The following CDH13 variants were observed in gnomAD, a reference collection of about 807,000 sequenced individuals.
CDH13 encodes cadherin-13.
CDH13 carries 24 observed loss-of-function variants against 63.8 expected under a neutral mutation model. The observed-to-expected ratio is 0.38, with a 90% confidence interval of 0.27 to 0.53. CDH13 has a LOEUF of 0.53. CDH13 is among the 20% of genes least tolerant of loss of function. The probability of loss-of-function intolerance (pLI) is 0.85; values close to 1 mark genes in which losing one functional copy is unlikely to be tolerated. For missense variants in CDH13, 1,049 were observed against 903.1 expected (o/e 1.16, Z -2.07); for synonymous variants, 503 against 355.3 (o/e 1.42, Z -4.67).
At position 83,407,678 on chromosome 16, in the gene CDH13, G is replaced by A. The variant is rs567094373; in HGVS notation, c.781+62672G>A. Among the ~76,000 whole-genome samples, 7 of 152,250 alleles carry A rather than the reference G, an allele frequency of 4.6e-5. No homozygotes were observed. The East Asian group carries it at 1.3e-3, about 29-fold the overall frequency. On this transcript the variant is annotated intron_variant, in intron 6 of 13. Coordinates refer to ENST00000567109, the MANE Select transcript of CDH13 (RefSeq NM_001257.5). ...TTTATTTAAGCTGCAAATAAAATTAGTTTACTCATTTTTAATTTAATTCCC... is the reference window on the plus strand; with the variant it reads ...TTTATTTAAGCTGCAAATAAAATTAATTTACTCATTTTTAATTTAATTCCC...
At chr16:82,883,955 T>C (rs989874981) in intron 2 of CDH13, among the ~76,000 whole-genome samples, 1 of 152,194 alleles carries the variant, frequency 6.6e-6, no homozygotes, top group South Asian at 2.1e-4. Flanking sequence ...TTTAACCTCC[T>C]AGTACCTCAG....
Position 83,388,723 on chromosome 16 carries a change from T to A in CDH13, c.781+43717T>A, listed in dbSNP as rs925891533. 2.6e-5 allele frequency among the ~76,000 whole-genome samples: 4 copies of A among 152,174 alleles called. No individual in the cohort carries two copies. In the South Asian group the frequency reaches 8.3e-4, roughly 31 times the overall value. ...TTTCCAAGGGCACAGCAGGTGTGTG[T>A]GGTATGCTGAGAGTCCCCTTCTATC... is the stretch of plus-strand genomic sequence containing the variant. On this transcript the variant is annotated intron_variant, in intron 6 of 13. Transcript: ENST00000567109.
intron 1 of CDH13, among the ~76,000 whole-genome samples, chr16:82,851,854 C>T (rs2039502490): frequency 6.6e-6 from 1 of 152,188 alleles, no homozygotes; most frequent in Non-Finnish European, 1.5e-5. Flanking sequence ...TCCTGCAAGT[C>T]AGAGGCAGTA....
At chr16:83,781,959 T>C (rs1915556265) in intron 12 of CDH13, among the ~76,000 whole-genome samples, 2 of 151,872 alleles carry the variant, frequency 1.3e-5, no homozygotes, top group Non-Finnish European at 1.5e-5. Context: ...AAAAAAAGAT[T>C]GTATCCTCTA....
At chr16:83,069,789 C>G (rs72796236) in intron 3 of CDH13, among the ~76,000 whole-genome samples, 36,996 of 151,980 alleles carry the variant, frequency 0.24, 4,621 homozygotes, top group East Asian at 0.45. Context: ...GTCCATGCAT[C>G]TCCTTAGATT....
chr16:82,765,706 A>C (rs535440638), intron 1 of CDH13, among the ~76,000 whole-genome samples: 1 of 152,318 alleles, frequency 6.6e-6, no homozygotes, highest in African/African-American at 2.4e-5. Flanking sequence ...TTCGGTGTTA[A>C]ACATACCTCT....
intron 13 of CDH13, chr16:83,790,286 C>T (rs1349211938): frequency 6.6e-6 from 1 of 152,128 alleles, no homozygotes; most frequent in East Asian, 1.9e-4. Flanking sequence ...GAGAGTTGAA[C>T]TGAAGGATCT....
At chr16:82,701,711 G>A (rs2031038885) in intron 1 of CDH13, among the ~76,000 whole-genome samples, 1 of 151,992 alleles carries the variant, frequency 6.6e-6, no homozygotes, top group African/African-American at 2.4e-5. Flanking sequence ...CATTTCCAGT[G>A]GAGAGAAGTG....
intron 3 of CDH13, among the ~76,000 whole-genome samples, chr16:83,102,949 T>TTTTTTC (rs2034566456): frequency 6.6e-5 from 3 of 45,320 alleles, no homozygotes; most frequent in South Asian, 6.7e-4. Flanking sequence ...TTTCTTTTTC[T>TTTTTTC]TTTTTTTTTT....
intron 5 of CDH13, among the ~76,000 whole-genome samples, chr16:83,243,337 A>C (rs553610569): frequency 6.6e-6 from 1 of 152,352 alleles, no homozygotes; most frequent in African/African-American, 2.4e-5. Context: ...TGAGAGGCAC[A>C]TCTTACATGG....
At chr16:83,697,165 A>T (rs1394392505) in intron 10 of CDH13, among the ~76,000 whole-genome samples, 2 of 152,182 alleles carry the variant, frequency 1.3e-5, no homozygotes, top group Non-Finnish European at 2.9e-5. Context: ...ATTAATACTC[A>T]TGGCGCTTTC....
At chr16:83,164,489 G>A (rs907538712) in intron 4 of CDH13, among the ~76,000 whole-genome samples, 2 of 152,000 alleles carry the variant, frequency 1.3e-5, no homozygotes, top group African/African-American at 4.8e-5. Context: ...ATGTCTAGGG[G>A]CCCCACAGAT....
chr16:83,602,744 C>G, intron 8 of CDH13, 150 bp downstream of exon 8: 1 of 837,468 alleles, frequency 1.2e-6, no homozygotes. Context: ...TGCTGGAATT[C>G]TTTCTCACAT....
chr16:83,643,889 C>G (rs1167286691), intron 8 of CDH13, among the ~76,000 whole-genome samples: 2 of 152,226 alleles, frequency 1.3e-5, no homozygotes, highest in African/African-American at 4.8e-5. Context: ...CCTACCCACG[C>G]TTTACGTACT....
chr16:83,344,844 A>G lies in CDH13; in HGVS notation c.637-18A>G, dbSNP rs1203584326. ...GAATTAATATCTTCTTTCTCCCCCA[A>G]TCTCTTTGCTCAAATAGCTATTTGT... On this transcript the variant is annotated intron_variant, in intron 5 of 13. Coordinates refer to ENST00000567109, the MANE Select transcript of CDH13 (RefSeq NM_001257.5). 10 of 1,612,878 alleles carry G rather than the reference A, an allele frequency of 6.2e-6. No homozygotes were observed. Among genetic ancestry groups the G allele is most frequent in the Admixed American group, 1.7e-5 (1 of 59,984 alleles).
intron 6 of CDH13, among the ~76,000 whole-genome samples, chr16:83,443,543 C>G (rs2072546331): frequency 6.6e-6 from 1 of 151,862 alleles, no homozygotes; most frequent in East Asian, 1.9e-4. Flanking sequence ...TCAAGATTAT[C>G]ATGTTGAGTA....
rs189379712 is a variant in CDH13 at position 83,466,832 on chromosome 16, C to T, written c.782-19645C>T. ...CCTTCACATCATGTTAGCCCAATTC[C>T]TTTCTTTCTTTGTATCATTGCTTCC... On this transcript the variant is annotated intron_variant, in intron 6 of 13. Transcript: ENST00000567109. 2.6e-4 allele frequency among the ~76,000 whole-genome samples: 40 copies of T among 152,306 alleles called. 1 individual carries two copies. The highest frequency in any genetic ancestry group is 2.0e-3 in the Admixed American group (30 of 15,296).
At chr16:83,241,883 T>C (rs192026126) in intron 5 of CDH13, among the ~76,000 whole-genome samples, 3 of 152,344 alleles carry the variant, frequency 2.0e-5, no homozygotes, top group Admixed American at 1.3e-4. Flanking sequence ...TCTGTGCTTT[T>C]TGTGTCATAT....
At chr16:82,895,309 T>C (rs917120294) in intron 2 of CDH13, among the ~76,000 whole-genome samples, 1 of 152,172 alleles carries the variant, frequency 6.6e-6, no homozygotes, top group African/African-American at 2.4e-5. Flanking sequence ...ATATACTCAA[T>C]TGTGTCCTTC....
Sources: gnomAD v4.1 joint callset for allele counts (sites outside exome capture counted in the v4.1 genomes callset) on GRCh38, gnomAD v4.1.1 for gene constraint, MANE v1.5 for transcripts, NCBI Gene and HGNC (gene_info 2026-07-23, HGNC 2026-07-21) for gene names.